The following CCSER1 variants were observed in gnomAD, a reference collection of about 807,000 sequenced individuals.
CCSER1 encodes the protein coiled-coil serine rich protein 1, also known as serine-rich coiled-coil domain-containing protein 1.
A neutral mutation model predicts 82.0 loss-of-function variants in CCSER1; 41 were observed. The observed-to-expected ratio is 0.50, with a 90% confidence interval of 0.39 to 0.65. The LOEUF (loss-of-function observed/expected upper bound fraction) is 0.65. CCSER1 is among the 30% of genes least tolerant of loss of function. The pLI is 0.00. For synonymous variants in CCSER1, 414 were observed against 383.9 expected (o/e 1.08, Z -0.92); for missense variants, 1,119 against 1,064.2 (o/e 1.05, Z -0.72).
intron 1 of CCSER1, among the ~76,000 whole-genome samples, chr4:90,244,804 G>T (rs959102707): frequency 1.3e-5 from 2 of 151,896 alleles, no homozygotes; most frequent in Non-Finnish European, 2.9e-5. Flanking sequence ...ATTTGCGTGG[G>T]GACACAAAGC....
intron 8 of CCSER1, among the ~76,000 whole-genome samples, chr4:90,820,186 C>T (rs186646126): frequency 1.3e-4 from 20 of 152,230 alleles, no homozygotes; most frequent in Non-Finnish European, 2.6e-4. Flanking sequence ...CTTGTCCTAC[C>T]TCTAATCTTA....
intron 10 of CCSER1, among the ~76,000 whole-genome samples, chr4:91,390,934 T>C (rs1264886074): frequency 6.6e-6 from 1 of 152,122 alleles, no homozygotes; most frequent in East Asian, 1.9e-4. Context: ...CTATCTCACT[T>C]CTGATTTTAG....
intron 10 of CCSER1, among the ~76,000 whole-genome samples, chr4:91,384,197 G>T (rs1359335871): frequency 6.6e-6 from 1 of 152,010 alleles, no homozygotes; most frequent in Admixed American, 6.6e-5. Context: ...TATTCAAGTG[G>T]ATCTTTACTG....
chr4:91,597,791 C>CA (rs892942322), intron 10 of CCSER1, among the ~76,000 whole-genome samples: 1 of 38,108 alleles, frequency 2.6e-5, no homozygotes, highest in African/African-American at 1.3e-4. Flanking sequence ...ATTAAGCCAG[C>CA]CAGTCTCAGT....
At chr4:90,175,572 A>AT (rs1168755995) in intron 1 of CCSER1, among the ~76,000 whole-genome samples, 2 of 152,018 alleles carry the variant, frequency 1.3e-5, no homozygotes, top group Non-Finnish European at 2.9e-5. Flanking sequence ...TTATTGGCAC[A>AT]TTTTGAATTT....
At chr4:91,115,664 G>T (rs1726495381) in intron 10 of CCSER1, among the ~76,000 whole-genome samples, 1 of 151,744 alleles carries the variant, frequency 6.6e-6, no homozygotes. Context: ...CTTTTGCCTG[G>T]CTCAGGGTAC....
chr4:90,567,823 T>C (rs1269507223), intron 5 of CCSER1, among the ~76,000 whole-genome samples: 1 of 151,948 alleles, frequency 6.6e-6, no homozygotes, highest in Non-Finnish European at 1.5e-5. Context: ...CCTAAGCTTG[T>C]CTTGAACTCC....
intron 9 of CCSER1, among the ~76,000 whole-genome samples, chr4:91,057,759 AATGATT>A (rs1743581625): frequency 6.6e-6 from 1 of 152,082 alleles, no homozygotes; most frequent in South Asian, 2.1e-4. Context: ...GTGGTTATAA[AATGATT>A]ATCATTTTAT....
chr4:91,285,300 G>T (rs1348395472), intron 10 of CCSER1, among the ~76,000 whole-genome samples: 2 of 147,074 alleles, frequency 1.4e-5, no homozygotes, highest in Non-Finnish European at 1.5e-5. Context: ...AAGTCCTTGT[G>T]CTATATGTTA....
At chr4:90,587,007 A>G (rs1389093254) in intron 5 of CCSER1, among the ~76,000 whole-genome samples, 1 of 152,202 alleles carries the variant, frequency 6.6e-6, no homozygotes, top group Non-Finnish European at 1.5e-5. Flanking sequence ...GGGTTCCTTA[A>G]AAGTGAAACG....
intron 10 of CCSER1, among the ~76,000 whole-genome samples, chr4:91,404,117 AATCTT>A (rs1370019811): frequency 6.6e-6 from 1 of 152,068 alleles, no homozygotes; most frequent in African/African-American, 2.4e-5. Flanking sequence ...TTCCTGGTTT[AATCTT>A]GGGAGGGTGT....
intron 8 of CCSER1, among the ~76,000 whole-genome samples, chr4:90,848,861 A>C (rs1259637008): frequency 6.6e-6 from 1 of 152,174 alleles, no homozygotes; most frequent in East Asian, 1.9e-4. Context: ...ATGTATACTT[A>C]CATATATCAT....
At chr4:91,477,913 A>G (rs1432450786) in intron 10 of CCSER1, among the ~76,000 whole-genome samples, 1 of 151,796 alleles carries the variant, frequency 6.6e-6, no homozygotes, top group Non-Finnish European at 1.5e-5. Context: ...TCATTTTACA[A>G]ATAGAAAAGA....
At chr4:90,972,277 C>A (rs1485982525) in intron 9 of CCSER1, among the ~76,000 whole-genome samples, 1 of 151,636 alleles carries the variant, frequency 6.6e-6, no homozygotes, top group East Asian at 1.9e-4. Flanking sequence ...TAAATAAATT[C>A]AATAAAGTAA....
chr4:90,809,981 A>ATGTT (rs1411339261), intron 7 of CCSER1, among the ~76,000 whole-genome samples: 11 of 152,164 alleles, frequency 7.2e-5, no homozygotes, highest in South Asian at 2.1e-4. Context: ...AACAGGTATT[A>ATGTT]TGTTTTCTCT....
chr4:90,411,997 A>G (rs949647899), intron 4 of CCSER1, among the ~76,000 whole-genome samples: 9 of 152,152 alleles, frequency 5.9e-5, no homozygotes, highest in Admixed American at 5.9e-4. Context: ...TCATGCTGCT[A>G]TAAAGACACA....
At chr4:90,432,729 A>G (rs910710888) in intron 4 of CCSER1, among the ~76,000 whole-genome samples, 2 of 152,140 alleles carry the variant, frequency 1.3e-5, no homozygotes, top group Non-Finnish European at 2.9e-5. Context: ...AGCTGAGACT[A>G]TGGGTATGTG....
chr4:91,023,523 C>T (rs1377227465), intron 9 of CCSER1, among the ~76,000 whole-genome samples: 2 of 152,174 alleles, frequency 1.3e-5, no homozygotes, highest in African/African-American at 4.8e-5. Context: ...ACCATCTGAT[C>T]TTTGACAAAC....
chr4:90,918,629 T>C (rs952080364), intron 8 of CCSER1, among the ~76,000 whole-genome samples: 2 of 140,574 alleles, frequency 1.4e-5, no homozygotes, highest in African/African-American at 2.5e-5. Context: ...TTCATGCTCA[T>C]TCAAGAGAGA....
Sources: gnomAD v4.1 joint callset for allele counts (sites outside exome capture counted in the v4.1 genomes callset) on GRCh38, gnomAD v4.1.1 for gene constraint, MANE v1.5 for transcripts, NCBI Gene and HGNC (gene_info 2026-07-23, HGNC 2026-07-21) for gene names.